Variants in ZNF860 observed in about 807,000 individuals in gnomAD.
ZNF860 encodes zinc finger protein 860.
For missense variants in ZNF860, 641 were observed against 759.2 expected (o/e 0.84, Z 1.83); for synonymous variants, 206 against 248.9 (o/e 0.83, Z 1.62).
rs769115005 is a variant in ZNF860, at chr3:31,989,834, A to G, written c.755A>G (p.Tyr252Cys). ...SSLLRKHQII[Y>C]LGGKQYKCDV... Reference sequence around the variant, plus strand: ...CTCTTAAGGAAACATCAGATAATCTATTTAGGAGGGAAACAATATAAATGT... The same window carrying G: ...CTCTTAAGGAAACATCAGATAATCTGTTTAGGAGGGAAACAATATAAATGT... The change falls in exon 2 of 2, where the codon TAT (tyrosine) becomes TGT (cysteine). Residue 252 changes from tyrosine to cysteine, a missense_variant. Tyr to Cys is a radical substitution (Grantham distance 194). Coordinates refer to ENST00000360311, the MANE Select transcript of ZNF860 (RefSeq NM_001137674.3). 1 of 1,614,170 alleles carries G rather than the reference A, an allele frequency of 6.2e-7. No homozygotes were observed. The highest frequency in any genetic ancestry group is 8.5e-7 in the Non-Finnish European group (1 of 1,180,034).
chr3:31,992,145 C>CAA (rs527764918), downstream of ZNF860, among the ~76,000 whole-genome samples: 82 of 65,546 alleles, frequency 1.3e-3, no homozygotes, highest in African/African-American at 3.8e-3. Context: ...GACTCCATCT[C>CAA]AAAAAAAAAA....
rs368805853 is a variant in ZNF860, at chr3:31,989,675, C to T, written c.596C>T (p.Pro199Leu). Residue 199 changes from proline to leucine, a missense_variant, in exon 2 of 2, where the codon CCC (proline) becomes CTC (leucine). Pro to Leu is a moderately conservative substitution (Grantham distance 98, BLOSUM62 -3). Transcript: ENST00000360311. Reference sequence around the variant, plus strand: ...ACGTCCCAAAGAATTTCTTCTAGGCCCAAAATCCATATTTCTAATAACTAT... The same window carrying T: ...ACGTCCCAAAGAATTTCTTCTAGGCTCAAAATCCATATTTCTAATAACTAT... The part of the protein sequence containing the change: ...VLTSQRISSR[P>L]KIHISNNYEN... 3.0e-5 allele frequency: 49 copies of T among 1,613,874 alleles called. No homozygotes were observed. The African/African-American group carries it at 5.9e-4, about 19-fold the overall frequency.
the ZNF860 span, among the ~76,000 whole-genome samples, chr3:31,999,928 C>T: frequency 6.6e-6 from 1 of 152,054 alleles, no homozygotes; most frequent in African/African-American, 2.4e-5. Context: ...AGGTCAGGGC[C>T]AAAATGTTCA....
chr3:31,991,878 G>A (rs1340039871), downstream of ZNF860, among the ~76,000 whole-genome samples: 1 of 150,030 alleles, frequency 6.7e-6, no homozygotes, highest in Non-Finnish European at 1.5e-5. Flanking sequence ...AAAAAAAAAT[G>A]CCAGGTGCAG....
the ZNF860 span, among the ~76,000 whole-genome samples, chr3:31,998,177 T>C: frequency 4.6e-5 from 7 of 152,214 alleles, no homozygotes; most frequent in African/African-American, 1.7e-4. Flanking sequence ...TTGAGTTGTA[T>C]TACTTAGTAA....
chr3:31,996,452 G>A (rs944309981), downstream of ZNF860, among the ~76,000 whole-genome samples: 3 of 152,088 alleles, frequency 2.0e-5, no homozygotes, highest in African/African-American at 4.8e-5. Flanking sequence ...ATCTAAATAT[G>A]AGCCAACCTA....
At position 31,989,104 on chromosome 3, in the gene ZNF860, A is replaced by G; in HGVS notation, c.25A>G (p.Lys9Glu). The G allele has an allele frequency of 6.2e-7, 1 of 1,614,086 alleles. No individual in the cohort carries two copies. The highest frequency in any genetic ancestry group is 8.5e-7 in the Non-Finnish European group (1 of 1,179,936). MLREEAAQ[K>E]RKEKEPGMAL... ...CATGTTACGTGAGGAAGCAGCTCAG[A>G]AGAGGAAAGAAAAGGAGCCAGGCAT... Residue 9 changes from lysine (K) to glutamate (E), a missense_variant, in exon 2 of 2, where the codon AAG (lysine) becomes GAG (glutamate). By Grantham distance (56) the Lys-to-Glu change is moderately conservative (BLOSUM62 1). Coordinates refer to ENST00000360311, the MANE Select transcript of ZNF860 (RefSeq NM_001137674.3).
intron 1 of ZNF860, among the ~76,000 whole-genome samples, chr3:31,982,576 G>A (rs956755755): frequency 6.6e-6 from 1 of 151,966 alleles, no homozygotes; most frequent in African/African-American, 2.4e-5. Flanking sequence ...AGAGATGCAC[G>A]GAGAAGCTTC....
chr3:32,003,572 T>C, the ZNF860 span, among the ~76,000 whole-genome samples: 1 of 152,210 alleles, frequency 6.6e-6, no homozygotes, highest in Non-Finnish European at 1.5e-5. Context: ...TTCTGAGAAC[T>C]GAATATACCA....
chr3:31,987,299 C>A (rs1698948311), intron 1 of ZNF860, among the ~76,000 whole-genome samples: 1 of 152,142 alleles, frequency 6.6e-6, no homozygotes, highest in African/African-American at 2.4e-5. Context: ...CTATATTATC[C>A]TTTGTAACAG....
In ZNF860 at chr3:31,991,148, T is replaced by C. The variant is rs1159848678; in HGVS notation, c.*170T>C. 9.5e-6 allele frequency: 7 copies of C among 737,506 alleles called. No homozygotes were observed. Among genetic ancestry groups the C allele is most frequent in the African/African-American group, 1.8e-5 (1 of 55,764 alleles). 45.7% of individuals were successfully genotyped at this position (737,506 alleles called of 1,614,324 possible). ...AAGCATTAATTGACATTAAAGTGTT[T>C]ACGTTAAGAGGATTGGGCTGGGCAG... On this transcript the variant is annotated 3_prime_UTR_variant, in exon 2 of 2. Coordinates refer to ENST00000360311, the MANE Select transcript of ZNF860 (RefSeq NM_001137674.3).
the ZNF860 span, among the ~76,000 whole-genome samples, chr3:31,997,202 A>G: frequency 6.6e-6 from 1 of 152,158 alleles, no homozygotes; most frequent in African/African-American, 2.4e-5. Context: ...TATGACTATT[A>G]CAATGTCAAT....
intron 1 of ZNF860, among the ~76,000 whole-genome samples, chr3:31,982,704 G>C (rs1353412090): frequency 6.6e-6 from 1 of 151,792 alleles, no homozygotes; most frequent in Admixed American, 6.6e-5. Flanking sequence ...AAGCCATTCA[G>C]AGCTGAATTC....
chr3:31,988,584 T>C (rs536196552), intron 1 of ZNF860, 76 bp from the exon 2 acceptor site: 1 of 166,942 alleles, frequency 6.0e-6, no homozygotes, highest in Non-Finnish European at 1.3e-5. Flanking sequence ...GATCAGCTTA[T>C]AAACAGGGGA....
rs1699010994 is a variant in ZNF860 at position 31,990,381 on chromosome 3, T to G, written c.1302T>G (p.Phe434Leu). 1 of 1,614,096 alleles carries G rather than the reference T, an allele frequency of 6.2e-7. No individual in the cohort carries two copies. The highest frequency in any genetic ancestry group is 8.5e-7 in the Non-Finnish European group (1 of 1,179,962). ...ACAAGTGTAATAAATGTGGCAAATT[T>G]TTTAGACGTCGTTCATATCTCGTAG... Reference protein sequence around the residue: ...RSYKCNKCGKFFRRRSYLVVH... With the variant: ...RSYKCNKCGKLFRRRSYLVVH... Residue 434 changes from phenylalanine to leucine, a missense_variant, in exon 2 of 2, where the codon TTT becomes TTG. By Grantham distance (22) the Phe-to-Leu change is conservative. Coordinates refer to ENST00000360311, the MANE Select transcript of ZNF860 (RefSeq NM_001137674.3).
rs775056819 is a variant in ZNF860, at chr3:31,990,274, A to T, written c.1195A>T (p.Lys399Ter). 1 of 1,614,090 alleles carries T rather than the reference A, an allele frequency of 6.2e-7. No individual in the cohort carries two copies. Among genetic ancestry groups the T allele is most frequent in the Admixed American group, 1.7e-5 (1 of 60,016 alleles). ...QAIHGIGKLY[K>*]CNDCHKVFSN... ...AATCCATGGTATAGGGAAACTTTATAAATGTAATGATTGTCACAAAGTCTT... is the reference window on the plus strand; with the variant it reads ...AATCCATGGTATAGGGAAACTTTATTAATGTAATGATTGTCACAAAGTCTT... The change falls in exon 2 of 2, where the codon AAA becomes TAA. Residue 399 changes from lysine (K) to a stop codon, truncating the protein, a stop_gained. Coordinates refer to ENST00000360311, the MANE Select transcript of ZNF860 (RefSeq NM_001137674.3). LOFTEE classifies it low-confidence loss of function (END_TRUNC).
chr3:31,984,268 G>A (rs1047833824), intron 1 of ZNF860, among the ~76,000 whole-genome samples: 10 of 151,780 alleles, frequency 6.6e-5, no homozygotes, highest in African/African-American at 1.9e-4. Context: ...TCTCGATCTC[G>A]TGACCTCGTG....
At chr3:32,004,825 T>C in the ZNF860 span, among the ~76,000 whole-genome samples, 1 of 152,184 alleles carries the variant, frequency 6.6e-6, no homozygotes, top group African/African-American at 2.4e-5. Context: ...AAGAAAAGGA[T>C]AGCTAGAATT....
In ZNF860 at chr3:31,990,966, G is replaced by A; in HGVS notation, c.1887G>A (p.Lys629=). Residue 629 remains lysine, a synonymous_variant, in exon 2 of 2, where the codon AAG becomes AAA. Transcript: ENST00000360311. ...QKSYKCHKRG[K]VFS ...CTTACAAATGTCATAAGCGTGGCAAGGTCTTCAGTTAGAGGTCACTCCTTG... is the reference window on the plus strand; with the variant it reads ...CTTACAAATGTCATAAGCGTGGCAAAGTCTTCAGTTAGAGGTCACTCCTTG... 1 of 1,573,884 alleles carries A rather than the reference G, an allele frequency of 6.4e-7. No homozygotes were observed. The highest frequency in any genetic ancestry group is 2.3e-5 in the East Asian group (1 of 42,962).
Sources: gnomAD v4.1 joint callset for allele counts (sites outside exome capture counted in the v4.1 genomes callset) on GRCh38, gnomAD v4.1.1 for gene constraint, MANE v1.5 for transcripts, NCBI Gene and HGNC (gene_info 2026-07-23, HGNC 2026-07-21) for gene names.